ANK3: variants seen among roughly 807,000 people sequenced by gnomAD.
ANK3 encodes the protein ankyrin 3.
ANK3 carries 57 observed loss-of-function variants against 370.9 expected under a neutral mutation model. That is an observed-to-expected ratio of 0.15 (90% CI 0.12 to 0.19). The LOEUF (loss-of-function observed/expected upper bound fraction) is 0.19. Ranked by LOEUF, ANK3 falls within the 10% of genes least tolerant of loss-of-function variation. The pLI is 1.00. For synonymous variants in ANK3, 1,929 were observed against 1,946.3 expected, an observed-to-expected ratio of 0.99 and a Z score of 0.23; for missense variants, 4,439 against 5,302.1, an observed-to-expected ratio of 0.84 and a Z score of 5.06.
chr10:60,199,518 A>G (rs769279028), intron 13 of ANK3, among the ~76,000 whole-genome samples: 2 of 152,160 alleles, frequency 1.3e-5, no homozygotes, highest in Non-Finnish European at 2.9e-5. Flanking sequence ...GAGACTGCAG[A>G]CTTGTGCAAA....
intron 2 of ANK3, among the ~76,000 whole-genome samples, chr10:60,495,209 A>T (rs913827353): frequency 2.6e-5 from 4 of 152,178 alleles, no homozygotes; most frequent in Admixed American, 1.3e-4. Context: ...ATAAACCAAG[A>T]CTAAAATTTC....
chr10:60,689,297 G>T (rs564618618), intron 1 of ANK3, among the ~76,000 whole-genome samples: 304 of 152,302 alleles, frequency 2.0e-3, no homozygotes, highest in Non-Finnish European at 1.4e-3. Flanking sequence ...TACTTGGGAG[G>T]TTGAGGTAGG....
intron 34 of ANK3, 94 bp downstream of exon 34, chr10:60,082,521 T>A (rs1344843305): frequency 6.7e-7 from 1 of 1,497,922 alleles, no homozygotes; most frequent in Non-Finnish European, 8.9e-7. Context: ...TTTCAAGAGC[T>A]TTATTCATGT....
intron 1 of ANK3, among the ~76,000 whole-genome samples, chr10:60,656,355 T>G (rs1474370280): frequency 6.6e-6 from 1 of 152,174 alleles, no homozygotes; most frequent in Non-Finnish European, 1.5e-5. Context: ...CTTGTTATTC[T>G]CTCTTTATTT....
intron 1 of ANK3, among the ~76,000 whole-genome samples, chr10:60,704,750 G>T (rs995933193): frequency 2.6e-5 from 4 of 152,104 alleles, no homozygotes; most frequent in African/African-American, 7.2e-5. Context: ...TCAGCAGGGG[G>T]TTAGCCAGTA....
intron 1 of ANK3, among the ~76,000 whole-genome samples, chr10:60,680,680 T>C (rs1368522262): frequency 1.3e-5 from 2 of 152,202 alleles, no homozygotes; most frequent in Non-Finnish European, 2.9e-5. Context: ...TCCATTTAGA[T>C]GTCTTGATGG....
At chr10:60,081,316 C>T (rs986487900) in intron 35 of ANK3, among the ~76,000 whole-genome samples, 2 of 152,092 alleles carry the variant, frequency 1.3e-5, no homozygotes, top group Non-Finnish European at 1.5e-5. Context: ...AACTCCTGAC[C>T]TCAGGTGATT....
chr10:60,514,666 T>C (rs960034565), intron 2 of ANK3, among the ~76,000 whole-genome samples: 1 of 152,098 alleles, frequency 6.6e-6, no homozygotes, highest in Non-Finnish European at 1.5e-5. Context: ...TATATCCCTA[T>C]CCCTCACTGC....
At position 60,080,626 on chromosome 10, in the gene ANK3, G is replaced by T; in HGVS notation, c.4351-8C>A. On this transcript the variant is annotated splice_region_variant and splice_polypyrimidine_tract_variant and intron_variant, in intron 35 of 43. Transcript: ENST00000280772. The stretch of plus-strand genomic sequence containing the variant: ...TCTATCTGTTTTCTCAATCTGAAAA[G>T]GAAAAAAAAAAAGACAACTCTATTT... 1.3e-6 allele frequency: 2 copies of T among 1,557,948 alleles called. No homozygotes were observed. Among genetic ancestry groups the T allele is most frequent in the South Asian group, 1.2e-5 (1 of 82,044 alleles).
In ANK3 at chr10:60,684,626, A is replaced by G. The variant is rs2079244107; in HGVS notation, c.57+48637T>C. The G allele has an allele frequency of 8.2e-6, 13 of 1,590,112 alleles. No individual in the cohort carries two copies. The South Asian group carries it at 1.3e-4, about 16-fold the overall frequency. On this transcript the variant is annotated intron_variant, in intron 1 of 43. Coordinates refer to the ANK3 transcript ENST00000373827. ...AAGACAACTGTCTTATACAGGCTGCAGTTCAATGAATTTGTAAATACCGTA... is the reference window on the plus strand; with the variant it reads ...AAGACAACTGTCTTATACAGGCTGCGGTTCAATGAATTTGTAAATACCGTA...
intron 1 of ANK3, among the ~76,000 whole-genome samples, chr10:60,309,737 C>G (rs2045928948): frequency 6.6e-6 from 1 of 151,920 alleles, no homozygotes; most frequent in Admixed American, 6.6e-5. Context: ...AGAAATATAC[C>G]AATCCCTTTA....
At chr10:60,250,231 GT>G (rs372798353) in intron 7 of ANK3, among the ~76,000 whole-genome samples, 41,551 of 151,932 alleles carry the variant, frequency 0.27, 5,732 homozygotes, top group East Asian at 0.41. Flanking sequence ...TGAGGAACTT[GT>G]TAAAAACACA....
Position 60,172,989 on chromosome 10 carries a change from T to C in ANK3, c.2293A>G (p.Thr765Ala), listed in dbSNP as rs1302272887. Residue 765 changes from threonine to alanine, a missense_variant, in exon 20 of 44, where the codon ACG becomes GCG. Physicochemically the swap from Thr to Ala is moderately conservative, Grantham distance 58. This residue lies in a region of ANK3 where 702 missense variants were observed against 941.5 expected (regional missense o/e 0.75). Transcript: ENST00000280772. ...KVNAKTKNGY[T>A]PLHQAAQQGH... ...TGCTGTGCTGCTTGATGTAATGGCG[T>C]ATACCCATTCTGTAGAAGGAAGATG... 3.7e-6 allele frequency: 6 copies of C among 1,612,056 alleles called. No homozygotes were observed. The highest frequency in any genetic ancestry group is 3.3e-5 in the Admixed American group (2 of 60,010).
Position 60,068,945 on chromosome 10 carries a change from CTGGTGGTGGTGGTAG to C in ANK3, c.11921_11935del (p.Thr3974_Thr3978del). 6.2e-7 allele frequency: 1 copy of C among 1,613,898 alleles called. No homozygotes were observed. On this transcript the variant is annotated inframe_deletion, in exon 37 of 44. Coordinates refer to ENST00000280772, the MANE Select transcript of ANK3 (RefSeq NM_020987.5). Reference sequence around the variant, plus strand: ...ACTTTTCCTAACTTTAACTGTGCAGCTGGTGGTGGTGGTAGTGGTGGTAGTGGTGGTGGTGGTGGC... The same window carrying C: ...ACTTTTCCTAACTTTAACTGTGCAGCTGGTGGTAGTGGTGGTGGTGGTGGC...
chr10:60,285,468 G>C (rs1475701916), intron 1 of ANK3, among the ~76,000 whole-genome samples: 1 of 152,098 alleles, frequency 6.6e-6, no homozygotes, highest in African/African-American at 2.4e-5. Flanking sequence ...TGACTTTTAA[G>C]TTTCTCCTCT....
intron 2 of ANK3, among the ~76,000 whole-genome samples, chr10:60,576,582 G>A (rs749470102): frequency 7.2e-5 from 11 of 152,182 alleles, no homozygotes; most frequent in Admixed American, 7.2e-4. Context: ...ATGCCTATAT[G>A]AATAGGCTAA....
chr10:60,240,135 T>TAC (rs2097416420), intron 7 of ANK3, among the ~76,000 whole-genome samples: 2 of 122,398 alleles, frequency 1.6e-5, no homozygotes, highest in African/African-American at 6.5e-5. Context: ...TATATATACA[T>TAC]ATATATACAC....
intron 7 of ANK3, among the ~76,000 whole-genome samples, chr10:60,253,098 T>A (rs1054509469): frequency 3.3e-4 from 50 of 152,316 alleles, no homozygotes; most frequent in African/African-American, 1.2e-3. Flanking sequence ...AAGGCCAGTG[T>A]GGGACTCCAG....
intron 1 of ANK3, among the ~76,000 whole-genome samples, chr10:60,636,891 C>G (rs560375769): frequency 2.6e-5 from 4 of 152,306 alleles, no homozygotes; most frequent in Admixed American, 1.3e-4. Context: ...TTGAACTTTA[C>G]TACATTTAAG....
Sources: gnomAD v4.1 joint callset for allele counts (sites outside exome capture counted in the v4.1 genomes callset) on GRCh38, gnomAD v4.1.1 for gene constraint, gnomAD v4.1.1 regional missense constraint, MANE v1.5 for transcripts, NCBI Gene and HGNC (gene_info 2026-07-23, HGNC 2026-07-21) for gene names.